The following INTS3 variants were observed in gnomAD, a reference collection of about 807,000 sequenced individuals.
INTS3 encodes SOSS complex subunit A.
A neutral mutation model predicts 146.3 loss-of-function variants in INTS3; 34 were observed. The ratio of observed to expected loss-of-function variants is 0.23; its 90% CI spans 0.18 to 0.31. The LOEUF (loss-of-function observed/expected upper bound fraction) is 0.31. INTS3 is among the 10% of genes least tolerant of loss of function. INTS3 has a pLI of 1.00. For synonymous variants in INTS3, 475 were observed against 494.9 expected (o/e 0.96, Z 0.53); for missense variants, 757 against 1,304.2 (o/e 0.58, Z 6.46).
In INTS3 at chr1:153,757,875, C is replaced by T. The variant is rs1672221047; in HGVS notation, c.1149+112C>T. On this transcript the variant is annotated intron_variant, in intron 10 of 29. Transcript: ENST00000318967. The surrounding 1 kb of genome is among the most constrained non-coding windows in gnomAD (Gnocchi z 4.0). ...TTGACCCCTAAGGGCCCTTCTTTCA[C>T]TCTGGTCTTCCAGAGTGTCTCAGCC... 2 of 773,144 alleles carry T rather than the reference C, an allele frequency of 2.6e-6. No individual in the cohort carries two copies. The highest frequency in any genetic ancestry group is 4.3e-6 in the Non-Finnish European group (2 of 469,816). The allele number at this position is 773,144 out of a possible 1,614,324, so 47.9% of individuals were successfully genotyped here.
intron 24 of INTS3, 66 bp from the exon 25 acceptor site, chr1:153,770,619 G>A: frequency 7.4e-7 from 1 of 1,347,770 alleles, no homozygotes; most frequent in Middle Eastern, 2.1e-4. Flanking sequence ...GGGGATGAGA[G>A]AGGTCCCCAG....
At chr1:153,737,067 G>A (rs748112581) in intron 1 of INTS3, among the ~76,000 whole-genome samples, 1 of 151,912 alleles carries the variant, frequency 6.6e-6, no homozygotes, top group African/African-American at 2.4e-5. Context: ...GCACCTGGCC[G>A]TCTTTCATTC....
chr1:153,759,791 G>A, intron 11 of INTS3, 178 bp downstream of exon 11: 1 of 603,244 alleles, frequency 1.7e-6, no homozygotes, highest in Non-Finnish European at 3.0e-6. Flanking sequence ...GCTTTGATAA[G>A]GCTAAGCCAT....
intron 8 of INTS3, among the ~76,000 whole-genome samples, 176 bp from the exon 9 acceptor site, chr1:153,754,466 C>T (rs1434141730): frequency 6.6e-6 from 1 of 152,186 alleles, no homozygotes; most frequent in Non-Finnish European, 1.5e-5. Flanking sequence ...TGGAGCAGAA[C>T]ACGTAAGTGC....
chr1:153,728,586 C>T lies in INTS3; in HGVS notation c.-49C>T, dbSNP rs774466469. ...AATCCAGAGATCCCGATATCTAGGA[C>T]TGTCCATCCATCCACTCCCTGACCT... On this transcript the variant is annotated 5_prime_UTR_variant, in exon 1 of 30. Transcript: ENST00000318967. The T allele has an allele frequency of 6.4e-7, 1 of 1,560,828 alleles. No homozygotes were observed. Among genetic ancestry groups the T allele is most frequent in the East Asian group, 2.4e-5 (1 of 42,378 alleles).
At chr1:153,733,043 C>T (rs556570727) in intron 1 of INTS3, among the ~76,000 whole-genome samples, 6 of 150,288 alleles carry the variant, frequency 4.0e-5, no homozygotes, top group African/African-American at 1.2e-4. Context: ...TGACCTCGTA[C>T]ACCATGTTAG....
intron 24 of INTS3, 102 bp downstream of exon 24, chr1:153,770,413 T>TGG (rs1202787381): frequency 8.4e-6 from 7 of 834,456 alleles, no homozygotes; most frequent in South Asian, 6.8e-5. Flanking sequence ...CCAGATCCAT[T>TGG]GTCCTCCTTC....
chr1:153,756,809 T>C (rs1406304553), intron 9 of INTS3, among the ~76,000 whole-genome samples: 6 of 152,118 alleles, frequency 3.9e-5, no homozygotes, highest in Admixed American at 3.9e-4. Flanking sequence ...AGAGTGAAAC[T>C]CTGCCTCAAA....
At chr1:153,753,514 G>A (rs1463819447) in intron 8 of INTS3, among the ~76,000 whole-genome samples, 2 of 151,204 alleles carry the variant, frequency 1.3e-5, no homozygotes, top group African/African-American at 2.4e-5. Flanking sequence ...CCGAGATCGC[G>A]CCACTGCACT....
At position 153,772,262 on chromosome 1, in the gene INTS3, G is replaced by A. The variant is rs953804299; in HGVS notation, c.2721-78G>A. The A allele has an allele frequency of 6.6e-7, 1 of 1,506,688 alleles. No homozygotes were observed. Among genetic ancestry groups the A allele is most frequent in the Non-Finnish European group, 9.1e-7 (1 of 1,099,058 alleles). 93.3% of individuals were successfully genotyped at this position (1,506,688 alleles called of 1,614,324 possible). The stretch of plus-strand genomic sequence containing the variant: ...ATGTAGGCTGCCTCTGTCTTAAGGG[G>A]GCCCTGGCGGGTGGAGGGTGTCTCG... On this transcript the variant is annotated intron_variant, in intron 26 of 29. Coordinates refer to ENST00000318967, the MANE Select transcript of INTS3 (RefSeq NM_023015.5). The surrounding 1 kb of genome is among the most constrained non-coding windows in gnomAD (Gnocchi z 4.6).
In INTS3 at chr1:153,760,830, A is replaced by C. The variant is rs546838853; in HGVS notation, c.1321A>C (p.Ile441Leu). 1 of 1,613,474 alleles carries C rather than the reference A, an allele frequency of 6.2e-7. No individual in the cohort carries two copies. The highest frequency in any genetic ancestry group is 1.1e-5 in the South Asian group (1 of 91,068). Residue 441 changes from isoleucine (I) to leucine (L), a missense_variant, in exon 13 of 30, where the codon ATT (isoleucine) becomes CTT (leucine). Transcript: ENST00000318967. Reference sequence around the variant, plus strand: ...TCCCCTCCTTCTTCGCTTCCAGATCATTCCCAACTTCTATCCACCATTGGA... The same window carrying C: ...TCCCCTCCTTCTTCGCTTCCAGATCCTTCCCAACTTCTATCCACCATTGGA... ...ATLLDFMCRI[I>L]PNFYPPLEGH...
chr1:153,731,816 A>C (rs1671073614), intron 1 of INTS3, among the ~76,000 whole-genome samples: 1 of 147,624 alleles, frequency 6.8e-6, no homozygotes, highest in Non-Finnish European at 1.5e-5. Context: ...CTATCTCCTG[A>C]CCTCATGATC....
intron 1 of INTS3, among the ~76,000 whole-genome samples, chr1:153,735,406 C>T (rs1671248427): frequency 6.6e-6 from 1 of 152,150 alleles, no homozygotes; most frequent in African/African-American, 2.4e-5. Context: ...GGCTAAATTA[C>T]CCAAGATTAG....
intron 3 of INTS3, among the ~76,000 whole-genome samples, chr1:153,746,589 G>A (rs970109828): frequency 6.6e-5 from 10 of 152,320 alleles, no homozygotes; most frequent in Admixed American, 3.3e-4. Flanking sequence ...TTTTAGTAGA[G>A]ACGGGGTTTC....
At position 153,772,725 on chromosome 1, in the gene INTS3, C is replaced by T. The variant is rs113052555; in HGVS notation, c.2894+14C>T. ...CCACAAGATGAAGTGAGGCTCCTGC[C>T]ACTTTGGGCCTTGGAAAGTAGTAGG... On this transcript the variant is annotated intron_variant, in intron 28 of 29. Transcript: ENST00000318967. This position sits in a 1 kb window ranked among gnomAD's most constrained non-coding sequence, Gnocchi z 4.6. The T allele has an allele frequency of 5.3e-4, 858 of 1,611,952 alleles. 9 individuals are homozygous for T. The African/African-American group carries it at 1.0e-2, about 19-fold the overall frequency.
At chr1:153,753,340 C>T (rs988342114) in intron 8 of INTS3, among the ~76,000 whole-genome samples, 19 of 151,876 alleles carry the variant, frequency 1.3e-4, no homozygotes, top group Admixed American at 7.2e-4. Flanking sequence ...GGGCGGATCA[C>T]GGGGTCAAGA....
At chr1:153,731,968 C>T (rs1359018962) in intron 1 of INTS3, among the ~76,000 whole-genome samples, 7 of 106,210 alleles carry the variant, frequency 6.6e-5, no homozygotes, top group African/African-American at 1.5e-4. Flanking sequence ...AGTGCAGTGG[C>T]GCGATCTTGG....
chr1:153,744,032 C>CGT (rs1671634140), intron 3 of INTS3, among the ~76,000 whole-genome samples: 1 of 116,416 alleles, frequency 8.6e-6, no homozygotes, highest in Non-Finnish European at 1.8e-5. Flanking sequence ...TGAGGGTGTG[C>CGT]ATGTGCGTGT....
At chr1:153,748,873 G>A (rs1671851955) in intron 6 of INTS3, 118 bp downstream of exon 6, 2 of 791,680 alleles carry the variant, frequency 2.5e-6, no homozygotes, top group South Asian at 2.8e-5. Flanking sequence ...TAGAGAGGGG[G>A]AGGCAAGGAG....
Sources: allele counts gnomAD v4.1 joint callset (sites outside exome capture counted in the v4.1 genomes callset), GRCh38; gene constraint gnomAD v4.1.1; non-coding constraint Gnocchi (gnomAD v3.1); transcripts MANE v1.5; gene names NCBI Gene and HGNC (gene_info 2026-07-23, HGNC 2026-07-21).